Variants in FSD2 observed in about 807,000 individuals in gnomAD.
The protein encoded by FSD2 is fibronectin type III and SPRY domain containing 2.
FSD2 carries 71 observed loss-of-function variants against 80.4 expected under a neutral mutation model. The ratio of observed to expected loss-of-function variants is 0.88; its 90% CI spans 0.73 to 1.08. FSD2 has a LOEUF of 1.08. FSD2 is among the 50% of genes least tolerant of loss of function. FSD2 has a pLI of 0.00. For synonymous variants in FSD2, 361 were observed against 329.5 expected (o/e 1.10, Z -1.03); for missense variants, 923 against 913.8 (o/e 1.01, Z -0.13).
At chr15:82,793,165 G>A (rs571724398) in intron 1 of FSD2, among the ~76,000 whole-genome samples, 1 of 151,958 alleles carries the variant, frequency 6.6e-6, no homozygotes, top group Admixed American at 6.6e-5. Context: ...GCACAATCTC[G>A]GCTCACTGCA....
At chr15:82,787,706 C>T (rs918503853) in intron 1 of FSD2, among the ~76,000 whole-genome samples, 2 of 150,176 alleles carry the variant, frequency 1.3e-5, no homozygotes, top group African/African-American at 4.9e-5. Context: ...CAACAAAATA[C>T]TTCCCTCATA....
chr15:82,780,558 C>G (rs955254503), intron 4 of FSD2, among the ~76,000 whole-genome samples: 1 of 151,840 alleles, frequency 6.6e-6, no homozygotes, highest in Admixed American at 6.6e-5. Flanking sequence ...TGGTCTCGAA[C>G]CCCTGACCTT....
At position 82,786,832 on chromosome 15, in the gene FSD2, T is replaced by C. The variant is rs1173908187; in HGVS notation, c.559A>G (p.Ile187Val). The change falls in exon 2 of 13, where the codon ATA (isoleucine) becomes GTA (valine). Residue 187 changes from isoleucine to valine, a missense_variant. Transcript: ENST00000334574. ...DVFCVTCKTP[I>V]RAFQKVFDEH... is the part of the protein sequence containing the mutation. ...TCAAAAACCTTCTGAAAAGCTCTTA[T>C]TGGAGTCTTACAAGTGACACAGAAG... The C allele has an allele frequency of 1.2e-6, 2 of 1,613,904 alleles. No individual in the cohort carries two copies. The highest frequency in any genetic ancestry group is 1.3e-5 in the African/African-American group (1 of 74,926).
In FSD2 at chr15:82,759,447, C is replaced by T. The variant is rs1471371684; in HGVS notation, c.2151G>A (p.Gln717=). The part of the protein sequence containing the change: ...LSQHLYTFSC[Q]LHEFVHPCFS... Reference sequence around the variant, plus strand: ...AACAGGGATGCACAAATTCGTGAAGCTGACAACTAAATGTATATAGATGCT... The same window carrying T: ...AACAGGGATGCACAAATTCGTGAAGTTGACAACTAAATGTATATAGATGCT... Residue 717 remains glutamine (Q), a synonymous_variant, in exon 13 of 13, where the codon CAG becomes CAA. Coordinates refer to ENST00000334574, the MANE Select transcript of FSD2 (RefSeq NM_001007122.4). The T allele has an allele frequency of 1.9e-6, 3 of 1,613,672 alleles. No individual in the cohort carries two copies.
At position 82,781,025 on chromosome 15, in the gene FSD2, G is replaced by T. The variant is rs888506064; in HGVS notation, c.967-758C>A. On this transcript the variant is annotated intron_variant, in intron 4 of 12. Coordinates refer to ENST00000334574, the MANE Select transcript of FSD2 (RefSeq NM_001007122.4). Reference sequence around the variant, plus strand: ...TCCTCCAGCCCAAGCAACAGAGCTAGACCCTGTCTCAAAAGAAAAACCAAC... The same window carrying T: ...TCCTCCAGCCCAAGCAACAGAGCTATACCCTGTCTCAAAAGAAAAACCAAC... Among the ~76,000 whole-genome samples, 5 of 152,230 alleles carry T rather than the reference G, an allele frequency of 3.3e-5. No homozygotes were observed. In the East Asian group the frequency reaches 7.7e-4, roughly 24 times the overall value.
chr15:82,761,153 A>G (rs1394242102), intron 12 of FSD2, among the ~76,000 whole-genome samples: 1 of 152,170 alleles, frequency 6.6e-6, no homozygotes, highest in African/African-American at 2.4e-5. Context: ...AATAACCATG[A>G]TAGAGGATCA....
rs769762172 is a variant in FSD2 at position 82,800,691 on chromosome 15, C to CAAAAAAAA, written c.-79+5267_-79+5274dup. On this transcript the variant is annotated intron_variant, in intron 1 of 12. Coordinates refer to ENST00000334574, the MANE Select transcript of FSD2 (RefSeq NM_001007122.4). ...TGGGGGATAGAGCGAGATTCTGTCT[C>CAAAAAAAA]AAAAAAAAAAAAAAAAAAAAAAGCC... is the stretch of plus-strand genomic sequence containing the variant. Among the ~76,000 whole-genome samples, 189 of 47,784 alleles carry CAAAAAAAA rather than the reference C, an allele frequency of 4.0e-3. 22 individuals are homozygous for CAAAAAAAA. The highest frequency in any genetic ancestry group is 0.01 in the African/African-American group (105 of 10,114). The allele number at this position is 47,784 out of a possible 152,430, so 31.3% of individuals were successfully genotyped here.
At chr15:82,782,721 C>A in intron 4 of FSD2, 74 bp downstream of exon 4, 2 of 1,295,978 alleles carry the variant, frequency 1.5e-6, no homozygotes, top group South Asian at 1.3e-5. Context: ...TTACCTCAAC[C>A]ATAACTGTCG....
rs2050517743 is a variant in FSD2, at chr15:82,806,033, G to C, written c.-146C>G. On this transcript the variant is annotated 5_prime_UTR_variant, in exon 1 of 13. Coordinates refer to ENST00000334574, the MANE Select transcript of FSD2 (RefSeq NM_001007122.4). Reference sequence around the variant, plus strand: ...GGAGTTCTGCTAGAAAATTGAATCTGTGTTCAGCAGGCTTTCCTTCCTAGT... The same window carrying C: ...GGAGTTCTGCTAGAAAATTGAATCTCTGTTCAGCAGGCTTTCCTTCCTAGT... The C allele has an allele frequency of 6.6e-6, 1 of 152,210 alleles. No individual in the cohort carries two copies. Among genetic ancestry groups the C allele is most frequent in the African/African-American group, 2.4e-5 (1 of 41,450 alleles). 9.4% of individuals were successfully genotyped at this position (152,210 alleles called of 1,614,324 possible).
In FSD2 at chr15:82,786,500, T is replaced by G. The variant is rs771287155; in HGVS notation, c.735+11A>C. 6.2e-7 allele frequency: 1 copy of G among 1,600,540 alleles called. No individual in the cohort carries two copies. Among genetic ancestry groups the G allele is most frequent in the South Asian group, 1.1e-5 (1 of 90,488 alleles). On this transcript the variant is annotated intron_variant, in intron 3 of 12. Coordinates refer to ENST00000334574, the MANE Select transcript of FSD2 (RefSeq NM_001007122.4). ...ATGTGAGTCTGATGAGGTCTTCAAG[T>G]GTGCTCTTACCTCCACAGTGATGAA...
rs2049900143 is a variant in FSD2 at position 82,782,812 on chromosome 15, TCTC to T, written c.946_948del (p.Glu316del). The T allele has an allele frequency of 6.2e-7, 1 of 1,608,646 alleles. No homozygotes were observed. ...TTACTGACCTTTATGAAATCCACCT[TCTC>T]CTCGTGACACATCTCCTCTATTGTT... On this transcript the variant is annotated inframe_deletion, in exon 4 of 13. Coordinates refer to ENST00000334574, the MANE Select transcript of FSD2 (RefSeq NM_001007122.4).
At chr15:82,799,710 C>G (rs947818423) in intron 1 of FSD2, among the ~76,000 whole-genome samples, 12 of 152,192 alleles carry the variant, frequency 7.9e-5, no homozygotes, top group African/African-American at 2.9e-4. Context: ...CTCCCACCAG[C>G]CCTGCCAGAA....
intron 1 of FSD2, among the ~76,000 whole-genome samples, chr15:82,797,118 G>A (rs760138965): frequency 2.6e-5 from 4 of 151,618 alleles, no homozygotes; most frequent in Non-Finnish European, 4.4e-5. Context: ...ATTAATGAAT[G>A]CATAAGAAAA....
chr15:82,763,559 A>C (rs2049338952), intron 11 of FSD2, among the ~76,000 whole-genome samples: 1 of 152,160 alleles, frequency 6.6e-6, no homozygotes, highest in African/African-American at 2.4e-5. Context: ...GTTGCCCTTT[A>C]AACAGGTGAG....
intron 1 of FSD2, among the ~76,000 whole-genome samples, chr15:82,801,346 G>A (rs552017360): frequency 4.1e-4 from 62 of 152,228 alleles, no homozygotes; most frequent in Admixed American, 1.5e-3. Context: ...CCCTGCCTTC[G>A]AAATCCCTCA....
intron 5 of FSD2, among the ~76,000 whole-genome samples, 193 bp downstream of exon 5, chr15:82,780,052 C>T (rs2049816742): frequency 6.6e-6 from 1 of 151,910 alleles, no homozygotes; most frequent in African/African-American, 2.4e-5. Context: ...CCCTACTAGC[C>T]CTGAGATCCT....
rs2049516258 is a variant in FSD2 at position 82,769,761 on chromosome 15, A to G, written c.1391T>C (p.Val464Ala). 2 of 1,613,862 alleles carry G rather than the reference A, an allele frequency of 1.2e-6. No individual in the cohort carries two copies. Among genetic ancestry groups the G allele is most frequent in the Non-Finnish European group, 1.7e-6 (2 of 1,179,800 alleles). Residue 464 changes from valine (V) to alanine (A), a missense_variant, in exon 8 of 13, where the codon GTG becomes GCG. Transcript: ENST00000334574. ...GAGTAGCCCATTACCTGTCATGTAC[A>G]CTGCACGCTCGCTAGAGGGGCTGGG... ...AGPSPSSERA[V>A]YMTAPSPPII...
chr15:82,766,165 A>T (rs2049416012), intron 9 of FSD2, 134 bp from the exon 10 acceptor site: 2 of 1,014,196 alleles, frequency 2.0e-6, no homozygotes, highest in Non-Finnish European at 2.7e-6. Context: ...TAACAGCAGC[A>T]TAGCCAGGAG....
Position 82,756,078 on chromosome 15 carries a change from C to T in FSD2, c.*3270G>A, listed in dbSNP as rs770604338. 22 of 471,198 alleles carry T rather than the reference C, an allele frequency of 4.7e-5. No individual in the cohort carries two copies. Among genetic ancestry groups the T allele is most frequent in the African/African-American group, 2.8e-4 (14 of 50,886 alleles). The allele number at this position is 471,198 out of a possible 1,614,324, so 29.2% of individuals were successfully genotyped here. A position where few individuals can be genotyped will look rare whatever the true frequency, so the allele number is the denominator to read the frequency against. ...TACTTATCTACCAACAGCAATTACA[C>T]GCTTTCCATTGTCTTCCTATAGAAA... On this transcript the variant is annotated 3_prime_UTR_variant, in exon 13 of 13. Transcript: ENST00000334574.
Sources: gnomAD v4.1 joint callset for allele counts (sites outside exome capture counted in the v4.1 genomes callset) on GRCh38, gnomAD v4.1.1 for gene constraint, MANE v1.5 for transcripts, NCBI Gene and HGNC (gene_info 2026-07-23, HGNC 2026-07-21) for gene names.